Variants in PPHLN1 observed in about 807,000 individuals in gnomAD.
The protein encoded by PPHLN1 is periphilin-1.
In PPHLN1, 29 loss-of-function variants were observed where a neutral mutation model predicts 51.3. The ratio of observed to expected loss-of-function variants is 0.57; its 90% CI spans 0.42 to 0.77. PPHLN1 has a LOEUF of 0.77. Among genes scored for constraint, PPHLN1 ranks in the 30% least tolerant of loss-of-function variants. The pLI, the probability that PPHLN1 is intolerant of heterozygous loss-of-function variation, is 0.00. For missense variants in PPHLN1, 436 were observed against 438.4 expected, an observed-to-expected ratio of 0.99 and a Z score of 0.05; for synonymous variants, 147 against 147.8, an observed-to-expected ratio of 0.99 and a Z score of 0.04.
intron 4 of PPHLN1, among the ~76,000 whole-genome samples, chr12:42,362,322 A>G (rs1369136648): frequency 2.0e-5 from 3 of 151,500 alleles, no homozygotes; most frequent in South Asian, 4.2e-4. Flanking sequence ...CATTCTGTTG[A>G]TTGTCTTTTT....
At chr12:42,338,045 A>ACTC (rs2070954053) in intron 2 of PPHLN1, among the ~76,000 whole-genome samples, 1 of 151,932 alleles carries the variant, frequency 6.6e-6, no homozygotes, top group Non-Finnish European at 1.5e-5. Flanking sequence ...CAGCCTCCCA[A>ACTC]AGTGCTGGGA....
chr12:42,431,844 A>C, intron 9 of PPHLN1: 2 of 1,544,248 alleles, frequency 1.3e-6, no homozygotes, highest in Non-Finnish European at 1.8e-6. Context: ...TGCCTAGCCC[A>C]TTTTCAATAA....
At chr12:42,365,766 C>G (rs1017895141) in intron 4 of PPHLN1, among the ~76,000 whole-genome samples, 19 of 152,150 alleles carry the variant, frequency 1.2e-4, no homozygotes, top group African/African-American at 4.6e-4. Flanking sequence ...AGACACTGTC[C>G]TAACTCTCAG....
chr12:42,418,972 ATAT>A (rs1239098549), intron 9 of PPHLN1, among the ~76,000 whole-genome samples: 1 of 152,182 alleles, frequency 6.6e-6, no homozygotes, highest in African/African-American at 2.4e-5. Context: ...AAAAGGTAAG[ATAT>A]TATTATAATT....
intron 2 of PPHLN1, among the ~76,000 whole-genome samples, chr12:42,344,190 A>G (rs2071922599): frequency 6.6e-6 from 1 of 152,188 alleles, no homozygotes; most frequent in Non-Finnish European, 1.5e-5. Context: ...AATAAGACCA[A>G]TAAAGGTTTT....
intron 7 of PPHLN1, among the ~76,000 whole-genome samples, chr12:42,388,175 G>A (rs60743579): frequency 6.6e-6 from 1 of 152,144 alleles, no homozygotes; most frequent in South Asian, 2.1e-4. Context: ...AAAGAGGAAA[G>A]CCTCTTGCAG....
intron 2 of PPHLN1, among the ~76,000 whole-genome samples, chr12:42,348,910 A>G (rs921814313): frequency 7.9e-5 from 12 of 152,156 alleles, no homozygotes; most frequent in African/African-American, 2.9e-4. Context: ...TCATTTGTGT[A>G]TCATATTTTA....
At chr12:42,332,463 GTTA>G (rs1460985788) in intron 1 of PPHLN1, among the ~76,000 whole-genome samples, 1 of 152,160 alleles carries the variant, frequency 6.6e-6, no homozygotes, top group Non-Finnish European at 1.5e-5. Flanking sequence ...CTAGAATTCT[GTTA>G]TTATAATTTT....
intron 9 of PPHLN1, among the ~76,000 whole-genome samples, chr12:42,400,644 G>A (rs370054050): frequency 6.6e-6 from 1 of 152,148 alleles, no homozygotes. Flanking sequence ...CAAAGTGCTG[G>A]AATTATAGGT....
chr12:42,400,685 A>G (rs2078738738), intron 9 of PPHLN1, among the ~76,000 whole-genome samples: 1 of 151,942 alleles, frequency 6.6e-6, no homozygotes, highest in South Asian at 2.1e-4. Flanking sequence ...GCAGTTCTTA[A>G]AAGGAGAGGT....
chr12:42,332,694 A>C (rs2069947127), intron 1 of PPHLN1: 4 of 1,542,640 alleles, frequency 2.6e-6, no homozygotes, highest in Non-Finnish European at 3.6e-6. Context: ...GATTCCTAAA[A>C]GGACTCAAGT....
At chr12:42,377,146 C>T (rs1325507631) in intron 5 of PPHLN1, among the ~76,000 whole-genome samples, 1 of 151,378 alleles carries the variant, frequency 6.6e-6, no homozygotes, top group Non-Finnish European at 1.5e-5. Flanking sequence ...CTGTTTGTGT[C>T]TTTTATGTGT....
At chr12:42,353,322 A>G (rs1042046074) in intron 3 of PPHLN1, among the ~76,000 whole-genome samples, 2 of 152,164 alleles carry the variant, frequency 1.3e-5, no homozygotes, top group Non-Finnish European at 2.9e-5. Flanking sequence ...GACAATTAAC[A>G]GTACATATTC....
Position 42,330,484 on chromosome 12 carries a change from G to C in PPHLN1, c.-21+4255G>C, listed in dbSNP as rs1208974148. 2.0e-5 allele frequency among the ~76,000 whole-genome samples: 3 copies of C among 152,278 alleles called. No homozygotes were observed. In the East Asian group the frequency reaches 5.8e-4, roughly 29 times the overall value. Reference sequence around the variant, plus strand: ...GTAGAGGTCCCTGCAGCTTTCCGCAGGGCATTGTGCCCCTGGTTAATCGAG... The same window carrying C: ...GTAGAGGTCCCTGCAGCTTTCCGCACGGCATTGTGCCCCTGGTTAATCGAG... On this transcript the variant is annotated intron_variant, in intron 1 of 9. Coordinates refer to ENST00000358314, the MANE Select transcript of PPHLN1 (RefSeq NM_201439.2).
chr12:42,380,450 T>A (rs2076660060), intron 5 of PPHLN1, among the ~76,000 whole-genome samples: 1 of 152,042 alleles, frequency 6.6e-6, no homozygotes, highest in African/African-American at 2.4e-5. Context: ...AAAAAATACA[T>A]CTAAGAGAAC....
At position 42,369,138 on chromosome 12, in the gene PPHLN1, A is replaced by G. The variant is rs1330551871; in HGVS notation, c.300-5725A>G. 1.3e-5 allele frequency among the ~76,000 whole-genome samples: 2 copies of G among 152,236 alleles called. 1 individual carries two copies. The highest frequency in any genetic ancestry group is 4.1e-4 in the South Asian group (2 of 4,828). On this transcript the variant is annotated intron_variant, in intron 4 of 9. Coordinates refer to ENST00000358314, the MANE Select transcript of PPHLN1 (RefSeq NM_201439.2). ...ATGTTGAGAAGATGTGATGGAGACC[A>G]TATAGCCACAGTGCCTAAAATATTA...
At chr12:42,366,528 C>CTTTT (rs1221489237) in intron 4 of PPHLN1, among the ~76,000 whole-genome samples, 1 of 151,040 alleles carries the variant, frequency 6.6e-6, no homozygotes, top group African/African-American at 2.4e-5. Context: ...CCTGGCCTTT[C>CTTTT]TTGTTTTTTT....
chr12:42,418,345 C>T (rs142895960), intron 9 of PPHLN1, among the ~76,000 whole-genome samples: 2 of 151,362 alleles, frequency 1.3e-5, no homozygotes, highest in East Asian at 2.0e-4. Context: ...GAAACTCAGC[C>T]TCCGTAACCA....
intron 2 of PPHLN1, among the ~76,000 whole-genome samples, chr12:42,336,343 G>A (rs1040054182): frequency 6.6e-6 from 1 of 152,126 alleles, no homozygotes; most frequent in Admixed American, 6.5e-5. Flanking sequence ...TCCTAAAAAT[G>A]TTACAAATTG....
Sources: allele counts gnomAD v4.1 joint callset (sites outside exome capture counted in the v4.1 genomes callset), GRCh38; gene constraint gnomAD v4.1.1; transcripts MANE v1.5; gene names NCBI Gene and HGNC (gene_info 2026-07-23, HGNC 2026-07-21).